The following SEMA6D variants were observed in gnomAD, a reference collection of about 807,000 sequenced individuals.
The protein encoded by SEMA6D is semaphorin 6D, also known as semaphorin-6D.
Under a neutral mutation model 106.6 loss-of-function variants are expected in SEMA6D, and 35 were observed. That is an observed-to-expected ratio of 0.33 (90% CI 0.25 to 0.44). SEMA6D has a LOEUF of 0.44. SEMA6D is among the 20% of genes least tolerant of loss of function. The pLI, the probability that SEMA6D is intolerant of heterozygous loss-of-function variation, is 1.00. For missense variants in SEMA6D, 1,185 were observed against 1,345.9 expected (o/e 0.88, Z 1.87); for synonymous variants, 499 against 487.7 (o/e 1.02, Z -0.31).
intron 1 of SEMA6D, among the ~76,000 whole-genome samples, chr15:47,326,670 A>G (rs2037143497): frequency 6.6e-6 from 1 of 152,226 alleles, no homozygotes; most frequent in African/African-American, 2.4e-5. Context: ...TGTGGAAATC[A>G]AGTTTGTAAC....
At chr15:47,382,182 A>G (rs2039661182) in intron 1 of SEMA6D, among the ~76,000 whole-genome samples, 1 of 152,200 alleles carries the variant, frequency 6.6e-6, no homozygotes, top group African/African-American at 2.4e-5. Context: ...TATCTTGCAA[A>G]TAAACAATTA....
At position 47,657,706 on chromosome 15, in the gene SEMA6D, G is replaced by A. The variant is rs574108624; in HGVS notation, c.-55+56810G>A. 4.7e-5 allele frequency among the ~76,000 whole-genome samples: 6 copies of A among 128,174 alleles called. No individual in the cohort carries two copies. The East Asian group carries it at 1.4e-3, about 29-fold the overall frequency. 84.1% of individuals were successfully genotyped at this position (128,174 alleles called of 152,430 possible). ...CAAAAATTTAATCCATTTAGTGACA[G>A]AGGGCTTCATTTCTTTTTTTTTTTT... On this transcript the variant is annotated intron_variant, in intron 4 of 19. Coordinates refer to the SEMA6D transcript ENST00000558014.
At chr15:47,360,548 A>C (rs948359319) in intron 1 of SEMA6D, among the ~76,000 whole-genome samples, 2 of 152,250 alleles carry the variant, frequency 1.3e-5, no homozygotes, top group Non-Finnish European at 2.9e-5. Context: ...CCACTATTGT[A>C]GAAGGACAGT....
At chr15:47,275,951 G>A (rs1357632015) in intron 1 of SEMA6D, among the ~76,000 whole-genome samples, 1 of 152,082 alleles carries the variant, frequency 6.6e-6, no homozygotes, top group Non-Finnish European at 1.5e-5. Flanking sequence ...TGAATGATAT[G>A]AAAGCGAAAC....
At chr15:47,679,381 T>C (rs1300630738) in intron 4 of SEMA6D, among the ~76,000 whole-genome samples, 1 of 152,168 alleles carries the variant, frequency 6.6e-6, no homozygotes, top group Non-Finnish European at 1.5e-5. Flanking sequence ...CAACATGATA[T>C]AGTTTTCCAT....
chr15:47,383,049 A>T (rs1438247146), intron 1 of SEMA6D, among the ~76,000 whole-genome samples: 1 of 152,184 alleles, frequency 6.6e-6, no homozygotes, highest in African/African-American at 2.4e-5. Flanking sequence ...TACAGGCATG[A>T]GCCACCACCT....
chr15:47,547,120 T>C (rs2045547547), intron 3 of SEMA6D, among the ~76,000 whole-genome samples: 2 of 152,134 alleles, frequency 1.3e-5, no homozygotes, highest in African/African-American at 4.8e-5. Flanking sequence ...TATACATACA[T>C]AAATACTTCT....
At chr15:47,593,039 G>A (rs2076467741) in intron 3 of SEMA6D, among the ~76,000 whole-genome samples, 2 of 152,166 alleles carry the variant, frequency 1.3e-5, no homozygotes. Flanking sequence ...GTACCTCTCT[G>A]TGAAGTGTCC....
chr15:47,634,648 T>C (rs12899958), intron 4 of SEMA6D, among the ~76,000 whole-genome samples: 45,453 of 152,054 alleles, frequency 0.3, 7,533 homozygotes, highest in East Asian at 0.45. Context: ...TTCAGTGTCA[T>C]TGTTTCAGGG....
At chr15:47,402,908 C>T (rs2040443796) in intron 1 of SEMA6D, among the ~76,000 whole-genome samples, 1 of 152,146 alleles carries the variant, frequency 6.6e-6, no homozygotes, top group African/African-American at 2.4e-5. Context: ...GCAAAGCCTC[C>T]ATCATAGAGT....
chr15:47,581,547 T>C (rs1341694398), intron 3 of SEMA6D, among the ~76,000 whole-genome samples: 1 of 152,154 alleles, frequency 6.6e-6, no homozygotes, highest in Non-Finnish European at 1.5e-5. Flanking sequence ...GAGATAGCCA[T>C]GCAAAAATCT....
intron 1 of SEMA6D, among the ~76,000 whole-genome samples, chr15:47,333,198 T>C (rs1383622083): frequency 6.6e-6 from 1 of 152,204 alleles, no homozygotes; most frequent in Non-Finnish European, 1.5e-5. Flanking sequence ...TGTTCAAATC[T>C]ACAGTGCTTA....
intron 3 of SEMA6D, among the ~76,000 whole-genome samples, chr15:47,530,543 T>G (rs1039461084): frequency 5.9e-5 from 9 of 152,208 alleles, no homozygotes; most frequent in Non-Finnish European, 5.9e-5. Context: ...TTGACATAGT[T>G]TTTTTGCTAG....
chr15:47,667,486 G>C (rs2078050483), intron 4 of SEMA6D, among the ~76,000 whole-genome samples: 1 of 152,150 alleles, frequency 6.6e-6, no homozygotes, highest in South Asian at 2.1e-4. Flanking sequence ...TCCCCTCTGC[G>C]GTATTCCCAT....
intron 3 of SEMA6D, among the ~76,000 whole-genome samples, chr15:47,525,743 G>A (rs1487203019): frequency 6.6e-6 from 1 of 152,156 alleles, no homozygotes; most frequent in Non-Finnish European, 1.5e-5. Flanking sequence ...GTAAAGTCCT[G>A]TAGTTCTAAT....
chr15:47,429,335 A>C (rs1191091616), intron 2 of SEMA6D, among the ~76,000 whole-genome samples: 1 of 152,140 alleles, frequency 6.6e-6, no homozygotes, highest in East Asian at 1.9e-4. Flanking sequence ...TCTTGTAAGA[A>C]TTAAAAAAGG....
At chr15:47,258,188 A>G (rs2033904098) in intron 1 of SEMA6D, among the ~76,000 whole-genome samples, 1 of 152,196 alleles carries the variant, frequency 6.6e-6, no homozygotes, top group Non-Finnish European at 1.5e-5. Context: ...GCATATAGTT[A>G]TGCAATTTAT....
intron 1 of SEMA6D, among the ~76,000 whole-genome samples, chr15:47,246,501 T>C (rs1236106618): frequency 6.6e-6 from 1 of 152,158 alleles, no homozygotes. Context: ...TGCATTCCTT[T>C]CTGATGATTC....
rs573003779 is a variant in SEMA6D at position 47,567,924 on chromosome 15, C to T, written c.-86-32941C>T. On this transcript the variant is annotated intron_variant, in intron 3 of 19. Transcript: ENST00000558014. ...TACAAAAAATTTAAATAGGTGATGC[C>T]GAGAGCGAGAAACCCACATGGCCAA... Among the ~76,000 whole-genome samples the T allele has an allele frequency of 7.0e-4, 107 of 151,990 alleles. 1 individual carries two copies. The highest frequency in any genetic ancestry group is 2.2e-3 in the African/African-American group (91 of 41,468).
Sources: gnomAD v4.1 joint callset for allele counts (sites outside exome capture counted in the v4.1 genomes callset) on GRCh38, gnomAD v4.1.1 for gene constraint, MANE v1.5 for transcripts, NCBI Gene and HGNC (gene_info 2026-07-23, HGNC 2026-07-21) for gene names.